The following PHACTR3 variants were observed in gnomAD, a reference collection of about 807,000 sequenced individuals.
PHACTR3 encodes protein phosphatase 1, regulatory subunit 123.
Under a neutral mutation model 66.8 loss-of-function variants are expected in PHACTR3, and 16 were observed. The ratio of observed to expected loss-of-function variants is 0.24; its 90% confidence interval spans 0.16 to 0.36. The LOEUF (loss-of-function observed/expected upper bound fraction) is 0.36, where lower values mean the gene tolerates loss of function less well. Among genes scored for constraint, PHACTR3 ranks in the 10% least tolerant of loss-of-function variants. The probability of loss-of-function intolerance (pLI) is 1.00; values close to 1 mark genes in which losing one functional copy is unlikely to be tolerated. For missense variants in PHACTR3, 647 were observed against 719.9 expected (o/e 0.90, Z 1.16); for synonymous variants, 323 against 292.1 (o/e 1.11, Z -1.08).
intron 7 of PHACTR3, among the ~76,000 whole-genome samples, chr20:59,790,948 G>T (rs1400776071): frequency 6.6e-6 from 1 of 152,182 alleles, no homozygotes; most frequent in Non-Finnish European, 1.5e-5. Flanking sequence ...GAGGCAGTCA[G>T]CTCTCTGGTC....
rs561034980 is a variant in PHACTR3 at position 59,736,896 on chromosome 20, G to T, written c.119-6211G>T. Among the ~76,000 whole-genome samples the T allele has an allele frequency of 3.9e-5, 6 of 152,292 alleles. No individual in the cohort carries two copies. In the East Asian group the frequency reaches 1.2e-3, roughly 29 times the overall value. On this transcript the variant is annotated intron_variant, in intron 1 of 12. Transcript: ENST00000371015. The surrounding 1 kb of genome is among the most constrained non-coding windows in gnomAD (Gnocchi z 4.6). Reference sequence around the variant, plus strand: ...TTCCTCCCAAGGGGGATGCAGAGCAGCACAGCCTGGGGCCCCTGGGCATGG... The same window carrying T: ...TTCCTCCCAAGGGGGATGCAGAGCATCACAGCCTGGGGCCCCTGGGCATGG...
At chr20:59,783,958 G>C in intron 7 of PHACTR3, among the ~76,000 whole-genome samples, 1 of 152,238 alleles carries the variant, frequency 6.6e-6, no homozygotes, top group East Asian at 1.9e-4. Flanking sequence ...TCTGCACTTT[G>C]CAGGCTCCGC....
At chr20:59,758,563 CAA>C (rs1292683049) in intron 4 of PHACTR3, among the ~76,000 whole-genome samples, 1 of 152,138 alleles carries the variant, frequency 6.6e-6, no homozygotes, top group Non-Finnish European at 1.5e-5. Context: ...CTGGGGATAA[CAA>C]GAGGTGACAC....
chr20:59,745,115 A>G (rs2146777394), intron 2 of PHACTR3, among the ~76,000 whole-genome samples: 1 of 152,336 alleles, frequency 6.6e-6, no homozygotes, highest in South Asian at 2.1e-4. Context: ...GAGAAGACCC[A>G]GGTGAGGAGG....
At chr20:59,581,758 G>A (rs988608327) in intron 1 of PHACTR3, among the ~76,000 whole-genome samples, 12 of 152,138 alleles carry the variant, frequency 7.9e-5, no homozygotes, top group Admixed American at 7.9e-4. Flanking sequence ...GCAGGTGCCT[G>A]TAGTCCCAGC....
chr20:59,620,929 T>A (rs193026663), intron 1 of PHACTR3, among the ~76,000 whole-genome samples: 1 of 152,334 alleles, frequency 6.6e-6, no homozygotes, highest in East Asian at 1.9e-4. Context: ...TTTATTCACC[T>A]GTTTACTTAC....
chr20:59,657,580 G>A (rs942260508), intron 1 of PHACTR3, among the ~76,000 whole-genome samples: 1 of 151,930 alleles, frequency 6.6e-6, no homozygotes, highest in Admixed American at 6.6e-5. Flanking sequence ...AACATTCTTG[G>A]TTAACAGTTG....
intron 1 of PHACTR3, among the ~76,000 whole-genome samples, chr20:59,657,244 TGATA>T (rs1369495874): frequency 1.4e-5 from 2 of 142,458 alleles, no homozygotes; most frequent in Admixed American, 7.3e-5. Context: ...ATAGGCACAA[TGATA>T]GAAGTGTGTT....
At chr20:59,739,249 A>T (rs2039063633) in intron 1 of PHACTR3, among the ~76,000 whole-genome samples, 1 of 152,108 alleles carries the variant, frequency 6.6e-6, no homozygotes, top group Admixed American at 6.5e-5. Flanking sequence ...AGAGCCCAGA[A>T]TGTCAAACAA....
chr20:59,645,110 A>T (rs1870691270), intron 1 of PHACTR3, among the ~76,000 whole-genome samples: 1 of 152,080 alleles, frequency 6.6e-6, no homozygotes, highest in African/African-American at 2.4e-5. Context: ...GAGTGAGAAT[A>T]GGCAGTATTT....
intron 1 of PHACTR3, among the ~76,000 whole-genome samples, chr20:59,611,362 A>G (rs907921106): frequency 2.0e-5 from 3 of 152,256 alleles, no homozygotes; most frequent in African/African-American, 7.2e-5. Flanking sequence ...ACAGTGATGT[A>G]TACAGCAGGG....
intron 1 of PHACTR3, among the ~76,000 whole-genome samples, chr20:59,640,547 G>A (rs1283257368): frequency 6.6e-6 from 1 of 152,186 alleles, no homozygotes; most frequent in East Asian, 1.9e-4. Context: ...TGCCCTGCCT[G>A]CAGAGGATGA....
intron 1 of PHACTR3, among the ~76,000 whole-genome samples, chr20:59,584,892 TCAGATTGGA>T (rs2032975318): frequency 1.3e-5 from 2 of 152,192 alleles, no homozygotes; most frequent in South Asian, 4.2e-4. Flanking sequence ...AGGACACCAG[TCAGATTGGA>T]TTGCCCAGCC....
chr20:59,773,882 G>T (rs1040460175), intron 6 of PHACTR3, among the ~76,000 whole-genome samples: 3 of 152,232 alleles, frequency 2.0e-5, no homozygotes, highest in African/African-American at 7.2e-5. Flanking sequence ...TGTGTCTCAT[G>T]GACTGTGAAA....
At chr20:59,742,184 T>A (rs2039188455) in intron 1 of PHACTR3, among the ~76,000 whole-genome samples, 2 of 152,214 alleles carry the variant, frequency 1.3e-5, no homozygotes, top group Non-Finnish European at 1.5e-5. Flanking sequence ...CGCTGGGGTT[T>A]TCTTTGGCCT....
intron 1 of PHACTR3, among the ~76,000 whole-genome samples, chr20:59,583,306 G>A (rs754714290): frequency 2.6e-5 from 4 of 152,302 alleles, no homozygotes; most frequent in South Asian, 2.1e-4. Flanking sequence ...AAGGTGGTCT[G>A]GGGGTGGGGA....
In PHACTR3 at chr20:59,715,145, G is replaced by C. The variant is rs193162645; in HGVS notation, c.119-27962G>C. ...CCGATCCTTAAACATTTTATTCCTT[G>C]TTGTTCTGGTTAAAACCTCTAATAC... On this transcript the variant is annotated intron_variant, in intron 1 of 12. Transcript: ENST00000371015. Among the ~76,000 whole-genome samples the C allele has an allele frequency of 8.6e-5, 13 of 151,910 alleles. No homozygotes were observed. In the East Asian group the frequency reaches 2.3e-3, roughly 27 times the overall value.
Position 59,847,184 on chromosome 20 carries a change from A to ATTC in PHACTR3, c.*55_*57dup. The ATTC allele has an allele frequency of 7.4e-7, 1 of 1,351,720 alleles. No individual in the cohort carries two copies. The highest frequency in any genetic ancestry group is 1.0e-6 in the Non-Finnish European group (1 of 954,394). The allele number at this position is 1,351,720 out of a possible 1,614,324, so 83.7% of individuals were successfully genotyped here. A position where few individuals can be genotyped will look rare whatever the true frequency, so the allele number is the denominator to read the frequency against. ...TAATTTTTTGATACCAACACTGAACATTCATCAGGGAACTTTCCTGAAGTT... is the reference window on the plus strand; with the variant it reads ...TAATTTTTTGATACCAACACTGAACATTCTTCATCAGGGAACTTTCCTGAAGTT... On this transcript the variant is annotated 3_prime_UTR_variant, in exon 13 of 13. Coordinates refer to ENST00000371015, the MANE Select transcript of PHACTR3 (RefSeq NM_080672.5).
chr20:59,640,552 G>A (rs1261296410), intron 1 of PHACTR3, among the ~76,000 whole-genome samples: 1 of 152,192 alleles, frequency 6.6e-6, no homozygotes, highest in Non-Finnish European at 1.5e-5. Flanking sequence ...TGCCTGCAGA[G>A]GATGATCTGC....
Sources: gnomAD v4.1 joint callset for allele counts (sites outside exome capture counted in the v4.1 genomes callset) on GRCh38, gnomAD v4.1.1 for gene constraint, Gnocchi (gnomAD v3.1) non-coding constraint, MANE v1.5 for transcripts, NCBI Gene and HGNC (gene_info 2026-07-23, HGNC 2026-07-21) for gene names.